The following NCAM1 variants were observed in gnomAD, a reference collection of about 807,000 sequenced individuals.
NCAM1 encodes antigen recognized by monoclonal antibody 5.1H11.
In NCAM1, 14 loss-of-function variants were observed where a neutral mutation model predicts 109.8. That is an observed-to-expected ratio of 0.13 (90% CI 0.08 to 0.20). The LOEUF is 0.20. Among genes scored for constraint, NCAM1 ranks in the 10% least tolerant of loss-of-function variants. The pLI is 1.00. For synonymous variants in NCAM1, 418 were observed against 442.9 expected, an observed-to-expected ratio of 0.94 and a Z score of 0.70; for missense variants, 774 against 1,109.9, an observed-to-expected ratio of 0.70 and a Z score of 4.30.
chr11:113,245,933 C>CT (rs1487245662), intron 14 of NCAM1, among the ~76,000 whole-genome samples: 1 of 152,106 alleles, frequency 6.6e-6, no homozygotes, highest in East Asian at 1.9e-4. Context: ...TTGCTTTTTT[C>CT]TTTTCCTTTA....
intron 9 of NCAM1, among the ~76,000 whole-genome samples, chr11:113,230,091 AAAAG>A (rs1386911893): frequency 3.3e-5 from 5 of 152,158 alleles, no homozygotes; most frequent in African/African-American, 7.2e-5. Flanking sequence ...ATTAAAAAAA[AAAAG>A]AAAAAGAAAA....
chr11:113,001,026 T>G lies in NCAM1; in HGVS notation c.52+39362T>G, dbSNP rs544294292. ...AATTTGAAATGCGTGCTGCCCCAAA[T>G]CCCAAAATAGAAATTCTCTGAAGAG... On this transcript the variant is annotated intron_variant, in intron 1 of 19. Coordinates refer to ENST00000316851, the MANE Select transcript of NCAM1 (RefSeq NM_181351.5). Among the ~76,000 whole-genome samples the G allele has an allele frequency of 6.6e-5, 10 of 152,102 alleles. No homozygotes were observed. The South Asian group carries it at 1.0e-3, about 16-fold the overall frequency.
At chr11:112,965,245 GA>G (rs142867225) in intron 1 of NCAM1, among the ~76,000 whole-genome samples, 39 of 149,460 alleles carry the variant, frequency 2.6e-4, no homozygotes, top group African/African-American at 9.1e-4. Flanking sequence ...TAATTGCAAA[GA>G]AAAAAAAATC....
At chr11:113,242,834 A>G (rs782177779) in intron 14 of NCAM1, 12 of 1,613,780 alleles carry the variant, frequency 7.4e-6, no homozygotes, top group South Asian at 1.1e-5. Flanking sequence ...CCTTGCAACC[A>G]CAGAACCAGC....
At chr11:113,216,482 C>T (rs1269629716) in intron 8 of NCAM1, among the ~76,000 whole-genome samples, 1 of 152,114 alleles carries the variant, frequency 6.6e-6, no homozygotes, top group Non-Finnish European at 1.5e-5. Context: ...AGAATAATAG[C>T]CAGGAACTAA....
chr11:113,135,337 G>A (rs1215689709), intron 1 of NCAM1, among the ~76,000 whole-genome samples: 1 of 152,148 alleles, frequency 6.6e-6, no homozygotes, highest in Admixed American at 6.6e-5. Context: ...CTTCTTAAGT[G>A]GTAATATTAG....
chr11:113,013,998 A>AT (rs1202347594), intron 1 of NCAM1, among the ~76,000 whole-genome samples: 126 of 151,744 alleles, frequency 8.3e-4, no homozygotes, highest in African/African-American at 2.8e-3. Context: ...AAAGGTCTAG[A>AT]TTTTTTTTTC....
chr11:113,195,495 A>ATTTTTTT (rs561856662), intron 1 of NCAM1, among the ~76,000 whole-genome samples: 3 of 85,582 alleles, frequency 3.5e-5, no homozygotes, highest in East Asian at 4.2e-4. Flanking sequence ...CCCTTAGTAG[A>ATTTTTTT]TTTTTTTTTT....
chr11:113,259,273 G>C (rs916621350), intron 16 of NCAM1, among the ~76,000 whole-genome samples: 1 of 151,596 alleles, frequency 6.6e-6, no homozygotes, highest in African/African-American at 2.4e-5. Flanking sequence ...GGATGGTCTC[G>C]ATCTCCTGAC....
chr11:113,194,197 T>A (rs377467097), intron 1 of NCAM1, among the ~76,000 whole-genome samples: 2 of 152,208 alleles, frequency 1.3e-5, no homozygotes, highest in East Asian at 3.8e-4. Flanking sequence ...GATAGAGTAT[T>A]TATGGTAATA....
Position 113,231,630 on chromosome 11 carries a change from C to A in NCAM1, c.1090-15C>A. On this transcript the variant is annotated splice_polypyrimidine_tract_variant and intron_variant, in intron 9 of 19. Transcript: ENST00000316851. ...TTGGGCTCTGACATGCTCCCTTCCC[C>A]CCCACCCCCGGCAGACTCTGGATGG... 1.2e-6 allele frequency: 2 copies of A among 1,612,090 alleles called. No homozygotes were observed. The highest frequency in any genetic ancestry group is 1.1e-5 in the South Asian group (1 of 90,850).
chr11:113,133,025 G>A (rs1442514984), intron 1 of NCAM1: 2 of 152,180 alleles, frequency 1.3e-5, no homozygotes, highest in East Asian at 3.9e-4. Flanking sequence ...TACAAGAAGA[G>A]GAACCCATAC....
chr11:113,090,195 G>C (rs1217483487), intron 1 of NCAM1, among the ~76,000 whole-genome samples: 1 of 152,158 alleles, frequency 6.6e-6, no homozygotes, highest in Non-Finnish European at 1.5e-5. Context: ...TGGACTACTA[G>C]GTGATAAGTT....
intron 1 of NCAM1, among the ~76,000 whole-genome samples, chr11:112,990,520 C>T (rs542529492): frequency 3.3e-5 from 5 of 152,040 alleles, no homozygotes; most frequent in African/African-American, 4.8e-5. Context: ...AACCCTGCTC[C>T]GGGGACTTAG....
At chr11:113,015,288 T>C (rs1952179781) in intron 1 of NCAM1, among the ~76,000 whole-genome samples, 1 of 152,178 alleles carries the variant, frequency 6.6e-6, no homozygotes. Context: ...TGGCAAGCCA[T>C]AGGGGTTCAG....
At chr11:113,256,979 T>C (rs1326412313) in intron 16 of NCAM1, among the ~76,000 whole-genome samples, 1 of 152,214 alleles carries the variant, frequency 6.6e-6, no homozygotes, top group Non-Finnish European at 1.5e-5. Context: ...GTGGAAGTGA[T>C]AGGTCTTTAA....
chr11:112,998,691 C>A (rs1459246760), intron 1 of NCAM1, among the ~76,000 whole-genome samples: 1 of 152,088 alleles, frequency 6.6e-6, no homozygotes, highest in African/African-American at 2.4e-5. Context: ...GTTTCAGTTA[C>A]CACTTTTTAG....
At chr11:113,092,058 C>T (rs1939370382) in intron 1 of NCAM1, among the ~76,000 whole-genome samples, 1 of 151,890 alleles carries the variant, frequency 6.6e-6, no homozygotes, top group Non-Finnish European at 1.5e-5. Flanking sequence ...TCTGGGACAG[C>T]CTTCCTCTCG....
At chr11:113,104,219 C>CGGGG (rs1940039982) in intron 1 of NCAM1, among the ~76,000 whole-genome samples, 1 of 14,688 alleles carries the variant, frequency 6.8e-5, no homozygotes, top group Admixed American at 7.3e-4. Context: ...GGGGGGGGGG[C>CGGGG]GGGGTGGTGG....
Sources: gnomAD v4.1 joint callset for allele counts (sites outside exome capture counted in the v4.1 genomes callset) on GRCh38, gnomAD v4.1.1 for gene constraint, MANE v1.5 for transcripts, NCBI Gene and HGNC (gene_info 2026-07-23, HGNC 2026-07-21) for gene names.